LYPD6: variants seen among roughly 807,000 people sequenced by gnomAD.
LYPD6 encodes the protein LY6/PLAUR domain containing 6.
LYPD6 carries 15 observed loss-of-function variants against 22.7 expected under a neutral mutation model. That is an observed-to-expected ratio of 0.66 (90% CI 0.44 to 1.02). The LOEUF (loss-of-function observed/expected upper bound fraction) is 1.02, where lower values mean the gene tolerates loss of function less well. Among genes scored for constraint, LYPD6 ranks in the 50% least tolerant of loss-of-function variants. LYPD6 has a pLI of 0.00. For missense variants in LYPD6, 189 were observed against 208.4 expected (o/e 0.91, Z 0.57); for synonymous variants, 72 against 77.5 (o/e 0.93, Z 0.37).
intron 1 of LYPD6, among the ~76,000 whole-genome samples, chr2:149,338,079 A>G (rs1423018918): frequency 1.3e-5 from 2 of 149,854 alleles, no homozygotes; most frequent in Non-Finnish European, 3.0e-5. Context: ...GGTTGATTCC[A>G]TGTATTTGCT....
At chr2:149,483,462 T>A in the LYPD6 span, among the ~76,000 whole-genome samples, 1,828 of 135,424 alleles carry the variant, frequency 0.013, 15 homozygotes, top group African/African-American at 0.018. Flanking sequence ...CTCCTTCCGC[T>A]CTCTTTCTCT....
chr2:149,417,910 A>C (rs1052378997), intron 1 of LYPD6, among the ~76,000 whole-genome samples: 2 of 152,242 alleles, frequency 1.3e-5, no homozygotes, highest in African/African-American at 4.8e-5. Context: ...AATATTTATT[A>C]AATGAATGAA....
chr2:149,331,061 C>T (rs1215748148), intron 1 of LYPD6, among the ~76,000 whole-genome samples: 4 of 152,184 alleles, frequency 2.6e-5, no homozygotes, highest in Admixed American at 1.3e-4. Context: ...CATCTTCTCA[C>T]GGCCCAACAT....
chr2:149,396,559 C>G (rs1195489050), intron 1 of LYPD6, among the ~76,000 whole-genome samples: 1 of 152,164 alleles, frequency 6.6e-6, no homozygotes, highest in Non-Finnish European at 1.5e-5. Context: ...TCTCACCACT[C>G]TTTTCTCCTT....
At chr2:149,332,321 A>G (rs1680954305) in intron 1 of LYPD6, among the ~76,000 whole-genome samples, 1 of 152,234 alleles carries the variant, frequency 6.6e-6, no homozygotes, top group Non-Finnish European at 1.5e-5. Context: ...AATAATGGAA[A>G]TGCTTCCAGA....
chr2:149,335,372 C>T (rs1262457794), intron 1 of LYPD6, among the ~76,000 whole-genome samples: 1 of 151,940 alleles, frequency 6.6e-6, no homozygotes, highest in Non-Finnish European at 1.5e-5. Flanking sequence ...AATTTTAAAA[C>T]ATGTTTTCAT....
Position 149,404,414 on chromosome 2 carries a change from G to A in LYPD6, c.-71-33224G>A, listed in dbSNP as rs187308276. ...TGTATCCTCTTTTACTTCATTGAGC[G>A]GTGGTTTGTAGTTTTACTTGAAGAG... On this transcript the variant is annotated intron_variant, in intron 1 of 4. Transcript: ENST00000334166. 3.7e-3 allele frequency among the ~76,000 whole-genome samples: 563 copies of A among 152,162 alleles called. 3 individuals carry two copies. Among genetic ancestry groups the A allele is most frequent in the African/African-American group, 0.013 (544 of 41,522 alleles).
chr2:149,437,178 A>ATGT (rs1683451408), intron 1 of LYPD6, among the ~76,000 whole-genome samples: 2 of 152,004 alleles, frequency 1.3e-5, no homozygotes, highest in African/African-American at 4.8e-5. Context: ...GCTTTCCTGT[A>ATGT]TTTGTTTGTT....
chr2:149,424,962 T>C (rs1024384300), intron 1 of LYPD6, among the ~76,000 whole-genome samples: 1 of 152,144 alleles, frequency 6.6e-6, no homozygotes, highest in African/African-American at 2.4e-5. Context: ...ACTGGAAAGC[T>C]TCAATGGGAT....
At chr2:149,463,128 T>C (rs1681123626) in intron 3 of LYPD6, among the ~76,000 whole-genome samples, 1 of 152,082 alleles carries the variant, frequency 6.6e-6, no homozygotes, top group Non-Finnish European at 1.5e-5. Flanking sequence ...GAAAAATATT[T>C]GCAAATCACA....
the LYPD6 span, among the ~76,000 whole-genome samples, chr2:149,483,465 C>G: frequency 1.3e-5 from 2 of 151,350 alleles, no homozygotes; most frequent in Admixed American, 6.6e-5. Flanking sequence ...CTTCCGCTCT[C>G]TTTCTCTTGA....
At chr2:149,336,767 T>A (rs573432028) in intron 1 of LYPD6, among the ~76,000 whole-genome samples, 1 of 152,284 alleles carries the variant, frequency 6.6e-6, no homozygotes, top group Non-Finnish European at 1.5e-5. Context: ...ATTATGAAAA[T>A]AAGATTTAGT....
chr2:149,454,462 G>A (rs1680906167), intron 3 of LYPD6, among the ~76,000 whole-genome samples: 1 of 152,184 alleles, frequency 6.6e-6, no homozygotes, highest in African/African-American at 2.4e-5. Context: ...GGGATGTATA[G>A]TAGATCATTA....
intron 3 of LYPD6, among the ~76,000 whole-genome samples, chr2:149,461,618 A>G (rs182566131): frequency 2.6e-5 from 4 of 152,108 alleles, no homozygotes; most frequent in Admixed American, 6.5e-5. Context: ...ATTCCAATCT[A>G]TTATTTTTTT....
intron 1 of LYPD6, among the ~76,000 whole-genome samples, chr2:149,346,305 A>G (rs1681254995): frequency 6.6e-6 from 1 of 152,206 alleles, no homozygotes; most frequent in Admixed American, 6.5e-5. Flanking sequence ...AAGTTTTTAC[A>G]CAGATTTCAC....
intron 1 of LYPD6, among the ~76,000 whole-genome samples, chr2:149,413,136 C>T (rs973708614): frequency 6.6e-6 from 1 of 152,118 alleles, no homozygotes; most frequent in African/African-American, 2.4e-5. Context: ...TGCAGTTGGC[C>T]TTTTCCTCAC....
rs1352404636 is a variant in LYPD6 at position 149,473,238 on chromosome 2, A to C, written c.*2388A>C. Reference sequence around the variant, plus strand: ...AGGGATCAGGTCCACAGTGGTGCAGATTCAACCACCACCCAGGGAGTGCTT... The same window carrying C: ...AGGGATCAGGTCCACAGTGGTGCAGCTTCAACCACCACCCAGGGAGTGCTT... On this transcript the variant is annotated 3_prime_UTR_variant, in exon 5 of 5. Transcript: ENST00000334166. 1 of 152,614 alleles carries C rather than the reference A, an allele frequency of 6.6e-6. No homozygotes were observed. The highest frequency in any genetic ancestry group is 1.5e-5 in the Non-Finnish European group (1 of 68,044). 9.5% of individuals were successfully genotyped at this position (152,614 alleles called of 1,614,324 possible). A position where few individuals can be genotyped will look rare whatever the true frequency, so the allele number is the denominator to read the frequency against.
intron 1 of LYPD6, among the ~76,000 whole-genome samples, chr2:149,414,178 T>A (rs956632270): frequency 6.6e-6 from 1 of 152,246 alleles, no homozygotes; most frequent in Non-Finnish European, 1.5e-5. Context: ...CAGATTAATT[T>A]GTGTTTTATG....
chr2:149,341,538 T>G (rs1056141898), intron 1 of LYPD6, among the ~76,000 whole-genome samples: 1 of 152,188 alleles, frequency 6.6e-6, no homozygotes, highest in African/African-American at 2.4e-5. Flanking sequence ...GAATAATGCC[T>G]TTCATAGAGA....
Sources: gnomAD v4.1 joint callset for allele counts (sites outside exome capture counted in the v4.1 genomes callset) on GRCh38, gnomAD v4.1.1 for gene constraint, MANE v1.5 for transcripts, NCBI Gene and HGNC (gene_info 2026-07-23, HGNC 2026-07-21) for gene names.